TAF5: variants seen among roughly 807,000 people sequenced by gnomAD.
TAF5 encodes the protein TATA-box binding protein associated factor 5.
TAF5 carries 20 observed loss-of-function variants against 80.9 expected under a neutral mutation model. The observed-to-expected ratio is 0.25, with a 90% confidence interval of 0.17 to 0.36. The LOEUF is 0.36. Ranked by LOEUF, TAF5 falls within the 10% of genes least tolerant of loss-of-function variation. The pLI is 1.00. For synonymous variants in TAF5, 388 were observed against 406.4 expected (o/e 0.95, Z 0.55); for missense variants, 863 against 1,029.4 (o/e 0.84, Z 2.21).
chr10:103,388,248 G>A lies in TAF5; in HGVS notation c.*25G>A. On this transcript the variant is annotated 3_prime_UTR_variant, in exon 11 of 11. Coordinates refer to ENST00000369839, the MANE Select transcript of TAF5 (RefSeq NM_006951.5). ...AACCATCGGTATTAAAGACCTTTTG[G>A]AAGCTACTGTTTTTAAAAAGGGAGA... 6.3e-7 allele frequency: 1 copy of A among 1,576,844 alleles called. No homozygotes were observed.
chr10:103,381,939 T>C, intron 6 of TAF5, 98 bp downstream of exon 6: 1 of 1,500,508 alleles, frequency 6.7e-7, no homozygotes. Flanking sequence ...TTTACAGAAA[T>C]TCACTTGATT....
chr10:103,382,421 C>T (rs895322067), intron 6 of TAF5, among the ~76,000 whole-genome samples: 52 of 152,008 alleles, frequency 3.4e-4, no homozygotes, highest in Non-Finnish European at 6.6e-4. Flanking sequence ...GATAGGGTTT[C>T]GCCATGTTGG....
rs148369380 is a variant in TAF5, at chr10:103,378,315, G to C, written c.878G>C (p.Gly293Ala). The change falls in exon 3 of 11, where the codon GGG (glycine) becomes GCG (alanine). Residue 293 changes from glycine to alanine, a missense_variant. Physicochemically the swap from Gly to Ala is moderately conservative, Grantham distance 60. Transcript: ENST00000369839. The surrounding 1 kb of genome is among the most constrained non-coding windows in gnomAD (Gnocchi z 4.1). ...CTTACCAAAAAGGAACACATGAAAG[G>C]GAATGAGACCATGTTGGATTTTCGA... ...SSLTKKEHMK[G>A]NETMLDFRTS... is the part of the protein sequence containing the mutation. 3 of 1,614,126 alleles carry C rather than the reference G, an allele frequency of 1.9e-6. No individual in the cohort carries two copies. The highest frequency in any genetic ancestry group is 2.5e-6 in the Non-Finnish European group (3 of 1,180,012).
At chr10:103,369,912 TA>T (rs1261577902) in intron 1 of TAF5, among the ~76,000 whole-genome samples, 5 of 152,188 alleles carry the variant, frequency 3.3e-5, no homozygotes, top group African/African-American at 9.7e-5. Context: ...TGATTGTCAT[TA>T]TTTTTTTAGT....
At position 103,368,515 on chromosome 10, in the gene TAF5, G is replaced by C. The variant is rs1264612028; in HGVS notation, c.526G>C (p.Gly176Arg). The change falls in exon 1 of 11, where the codon GGT becomes CGT. Residue 176 changes from glycine to arginine, a missense_variant. By Grantham distance (125) the Gly-to-Arg change is moderately radical. Around this residue, in one of 3 missense-constraint regions of TAF5, gnomAD observed 367 missense variants for 335.5 expected, o/e 1.09. Coordinates refer to ENST00000369839, the MANE Select transcript of TAF5 (RefSeq NM_006951.5). ...TGASGATVVS[G>R]SASGPAAPGK... ...CGCTTCGGGGGCCACGGTCGTCTCA[G>C]GTTCAGCCTCAGGTCCTGCGGCTCC... 6.4e-7 allele frequency: 1 copy of C among 1,561,358 alleles called. No individual in the cohort carries two copies. Among genetic ancestry groups the C allele is most frequent in the Non-Finnish European group, 8.6e-7 (1 of 1,163,210 alleles).
chr10:103,369,101 C>T (rs1320790183), intron 1 of TAF5, among the ~76,000 whole-genome samples: 2 of 151,304 alleles, frequency 1.3e-5, no homozygotes, highest in Non-Finnish European at 2.9e-5. Context: ...GCCTCAGCCT[C>T]CCGCGTAGGT....
chr10:103,379,421 T>C (rs1454176348), intron 3 of TAF5, among the ~76,000 whole-genome samples, 187 bp from the exon 4 acceptor site: 1 of 152,210 alleles, frequency 6.6e-6, no homozygotes, highest in African/African-American at 2.4e-5. Flanking sequence ...AGCACATTGC[T>C]ACTCCAATAA....
chr10:103,388,278 A>G lies in TAF5; in HGVS notation c.*55A>G, dbSNP rs2093402652. ...TACTGTTTTTAAAAAGGGAGACTAA[A>G]AGCAAATACCTCAGTGATTAATATT... is the stretch of plus-strand genomic sequence containing the variant. On this transcript the variant is annotated 3_prime_UTR_variant, in exon 11 of 11. Transcript: ENST00000369839. The G allele has an allele frequency of 7.2e-7, 1 of 1,389,336 alleles. No individual in the cohort carries two copies. Among genetic ancestry groups the G allele is most frequent in the African/African-American group, 1.4e-5 (1 of 69,182 alleles). The allele number at this position is 1,389,336 out of a possible 1,614,324, so 86.1% of individuals were successfully genotyped here.
chr10:103,373,211 AG>A, intron 1 of TAF5, 146 bp from the exon 2 acceptor site: 1 of 638,690 alleles, frequency 1.6e-6, no homozygotes, highest in South Asian at 2.1e-5. Flanking sequence ...AAAAAAAAAA[AG>A]ATTATGTGAT....
chr10:103,386,935 G>T (rs59744322), intron 8 of TAF5, among the ~76,000 whole-genome samples: 61,236 of 150,906 alleles, frequency 0.41, 13,179 homozygotes, highest in South Asian at 0.64. Context: ...AGTGCTAGAA[G>T]TGTAAGCGTG....
At chr10:103,373,244 G>A (rs2093363653) in intron 1 of TAF5, 114 bp from the exon 2 acceptor site, 1 of 806,686 alleles carries the variant, frequency 1.2e-6, no homozygotes, top group Non-Finnish European at 2.0e-6. Context: ...AGAGACAGTG[G>A]GAAGAAAGAG....
In TAF5 at chr10:103,388,955, T is replaced by G. The variant is rs889969939; in HGVS notation, c.*732T>G. The G allele has an allele frequency of 6.5e-6, 1 of 152,680 alleles. No individual in the cohort carries two copies. The highest frequency in any genetic ancestry group is 2.4e-5 in the African/African-American group (1 of 41,466). 9.5% of individuals were successfully genotyped at this position (152,680 alleles called of 1,614,324 possible). A position where few individuals can be genotyped will look rare whatever the true frequency, so the allele number is the denominator to read the frequency against. ...AGTACTGAGCCTTGCTTTGGGAAAC[T>G]AAAAGATTTAGACCAAGTCACTGCC... On this transcript the variant is annotated 3_prime_UTR_variant, in exon 11 of 11. Coordinates refer to ENST00000369839, the MANE Select transcript of TAF5 (RefSeq NM_006951.5).
intron 1 of TAF5, among the ~76,000 whole-genome samples, chr10:103,369,788 C>T (rs2093354885): frequency 6.6e-6 from 1 of 152,140 alleles, no homozygotes; most frequent in African/African-American, 2.4e-5. Context: ...GGAATCTTCA[C>T]TTTTGAATAA....
chr10:103,370,810 T>C (rs1162111503), intron 1 of TAF5, among the ~76,000 whole-genome samples: 1 of 152,248 alleles, frequency 6.6e-6, no homozygotes, highest in Non-Finnish European at 1.5e-5. Flanking sequence ...TAAATGTTTA[T>C]TGAATTACCC....
chr10:103,382,772 T>A (rs2133634506), intron 6 of TAF5, among the ~76,000 whole-genome samples: 1 of 152,022 alleles, frequency 6.6e-6, no homozygotes, highest in South Asian at 2.1e-4. Context: ...TTCAGCCTCC[T>A]GAGTAGCTGA....
chr10:103,372,614 G>A (rs1282737296), intron 1 of TAF5, among the ~76,000 whole-genome samples: 3 of 150,610 alleles, frequency 2.0e-5, no homozygotes, highest in African/African-American at 7.3e-5. Context: ...GATTACAGGC[G>A]GGAGCCACCG....
intron 8 of TAF5, among the ~76,000 whole-genome samples, chr10:103,386,480 C>G (rs531636286): frequency 2.0e-5 from 3 of 152,064 alleles, no homozygotes; most frequent in African/African-American, 4.8e-5. Context: ...GGGGAAAATA[C>G]TTTTCTGTGG....
intron 8 of TAF5, 112 bp from the exon 9 acceptor site, chr10:103,387,063 A>G: frequency 3.0e-6 from 3 of 1,011,912 alleles, no homozygotes; most frequent in Non-Finnish European, 4.2e-6. Context: ...TGGGGGGCCC[A>G]CTCAGAACTA....
At position 103,378,507 on chromosome 10, in the gene TAF5, G is replaced by A; in HGVS notation, c.1070G>A (p.Gly357Glu). Residue 357 changes from glycine to glutamate, a missense_variant, in exon 3 of 11, where the codon GGA (glycine) becomes GAA (glutamate). Coordinates refer to ENST00000369839, the MANE Select transcript of TAF5 (RefSeq NM_006951.5). This position sits in a 1 kb window ranked among gnomAD's most constrained non-coding sequence, Gnocchi z 4.1. ...RSKQQIDAMV[G>E]SLAGEAKREA... ...AAGCAACAGATAGATGCGATGGTGG[G>A]AAGTTTGGCAGGAGAGGCTAAACGA... The A allele has an allele frequency of 1.2e-6, 2 of 1,614,098 alleles. No individual in the cohort carries two copies. The highest frequency in any genetic ancestry group is 8.5e-7 in the Non-Finnish European group (1 of 1,179,988).
Sources: gnomAD v4.1 joint callset for allele counts (sites outside exome capture counted in the v4.1 genomes callset) on GRCh38, gnomAD v4.1.1 for gene constraint, gnomAD v4.1.1 regional missense constraint, Gnocchi (gnomAD v3.1) non-coding constraint, MANE v1.5 for transcripts, NCBI Gene and HGNC (gene_info 2026-07-23, HGNC 2026-07-21) for gene names.